CFAP54: variants seen among roughly 807,000 people sequenced by gnomAD.
The protein encoded by CFAP54 is cilia- and flagella-associated protein 54.
Under a neutral mutation model 370.4 loss-of-function variants are expected in CFAP54, and 290 were observed. The observed-to-expected ratio is 0.78, with a 90% CI of 0.71 to 0.86. The LOEUF is 0.86. Among genes scored for constraint, CFAP54 ranks in the 40% least tolerant of loss-of-function variants. The pLI is 0.00. For synonymous variants in CFAP54, 1,206 were observed against 1,236.5 expected (o/e 0.98, Z 0.52); for missense variants, 3,399 against 3,528.7 (o/e 0.96, Z 0.93).
At chr12:96,851,932 A>C (rs1592810644) in intron 66 of CFAP54, among the ~76,000 whole-genome samples, 1 of 152,110 alleles carries the variant, frequency 6.6e-6, no homozygotes, top group East Asian at 1.9e-4. Flanking sequence ...AGAAAGAAAG[A>C]AAGCTTTCAT....
chr12:96,530,026 G>A (rs187394792), intron 9 of CFAP54, among the ~76,000 whole-genome samples: 1 of 152,170 alleles, frequency 6.6e-6, no homozygotes. Flanking sequence ...TAGAAATCAA[G>A]ATTTATATAC....
Position 96,500,861 on chromosome 12 carries a change from T to A in CFAP54, c.345T>A (p.Thr115=). The change falls in exon 2 of 68, where the codon ACT becomes ACA. Residue 115 remains threonine, a synonymous_variant. Coordinates refer to ENST00000524981, the MANE Select transcript of CFAP54 (RefSeq NM_001306084.2). ...CCACTTCTTTGTTTAATATCTGGAC[T>A]AAATACGCCCCCAGGCTGCCAGCAG... ...RCATSLFNIW[T]KYAPRLPADY... 1 of 1,535,328 alleles carries A rather than the reference T, an allele frequency of 6.5e-7. No individual in the cohort carries two copies.
intron 60 of CFAP54, among the ~76,000 whole-genome samples, chr12:96,772,693 C>T (rs914877142): frequency 6.6e-6 from 1 of 150,876 alleles, no homozygotes; most frequent in Non-Finnish European, 1.5e-5. Flanking sequence ...AATCTCGGCT[C>T]ACTGCAATCT....
At chr12:96,508,718 T>C (rs1955134716) in intron 4 of CFAP54, among the ~76,000 whole-genome samples, 1 of 152,024 alleles carries the variant, frequency 6.6e-6, no homozygotes, top group South Asian at 2.1e-4. Flanking sequence ...GTTTCCTTTT[T>C]TTTTTTTCCT....
intron 66 of CFAP54, among the ~76,000 whole-genome samples, chr12:96,848,960 T>C (rs1959455054): frequency 6.6e-6 from 1 of 152,206 alleles, no homozygotes; most frequent in South Asian, 2.1e-4. Flanking sequence ...GTATTGGGAT[T>C]TTCTTAATCA....
chr12:96,811,910 A>G (rs1958931764), intron 64 of CFAP54, 68 bp downstream of exon 64: 3 of 953,968 alleles, frequency 3.1e-6, no homozygotes, highest in East Asian at 5.8e-5. Context: ...CTCTTTCAGT[A>G]ATTGGCAAGG....
intron 45 of CFAP54, among the ~76,000 whole-genome samples, chr12:96,698,585 C>T (rs1957459311): frequency 1.3e-5 from 2 of 152,068 alleles, no homozygotes; most frequent in African/African-American, 4.8e-5. Context: ...GAACAGAAAA[C>T]CAAATACCAC....
In CFAP54 at chr12:96,630,619, T is replaced by G; in HGVS notation, c.4284T>G (p.Asn1428Lys). ...KETLRDFIFKNPAISEMVAHE... is the reference protein window; with the variant it reads ...KETLRDFIFKKPAISEMVAHE... ...CTCTAAGAGATTTCATTTTTAAAAA[T>G]CCGGCTATTTCTGAAATGGTGGCAC... is the stretch of plus-strand genomic sequence containing the variant. Residue 1428 changes from asparagine (N) to lysine (K), a missense_variant, in exon 32 of 68, where the codon AAT becomes AAG. Around this residue, in one of 3 missense-constraint regions of CFAP54, gnomAD observed 2,796 missense variants for 2,869.7 expected, o/e 0.97. Coordinates refer to ENST00000524981, the MANE Select transcript of CFAP54 (RefSeq NM_001306084.2). 6.7e-7 allele frequency: 1 copy of G among 1,501,962 alleles called. No homozygotes were observed. Among genetic ancestry groups the G allele is most frequent in the Middle Eastern group, 1.7e-4 (1 of 5,854 alleles). The allele number at this position is 1,501,962 out of a possible 1,614,324, so 93.0% of individuals were successfully genotyped here. A position where few individuals can be genotyped will look rare whatever the true frequency, so the allele number is the denominator to read the frequency against.
intron 63 of CFAP54, among the ~76,000 whole-genome samples, chr12:96,802,725 TGTTTGCTGCACCTATCAACCG>T (rs1296461062): frequency 2.0e-5 from 3 of 152,174 alleles, no homozygotes; most frequent in East Asian, 1.9e-4. Flanking sequence ...GTGCCCTGGC[TGTTTGCTGCACCTATCAACCG>T]GTTTGCTGCA....
chr12:96,636,983 A>G (rs1365318753), intron 32 of CFAP54, among the ~76,000 whole-genome samples: 1 of 152,026 alleles, frequency 6.6e-6, no homozygotes, highest in African/African-American at 2.4e-5. Context: ...TCATCACCCC[A>G]CTCAATTTTA....
At chr12:96,630,761 G>A (rs1956599401) in intron 32 of CFAP54, 110 bp downstream of exon 32, 1 of 512,438 alleles carries the variant, frequency 2.0e-6, no homozygotes, top group East Asian at 3.4e-5. Context: ...TGAAATCACT[G>A]CCTTCAAGGA....
chr12:96,661,749 G>T (rs1314211935), intron 38 of CFAP54, among the ~76,000 whole-genome samples: 13 of 152,188 alleles, frequency 8.5e-5, no homozygotes. Flanking sequence ...GGGGTGAATT[G>T]TGTGTATGCC....
chr12:96,727,755 C>G (rs1190547752), intron 50 of CFAP54, among the ~76,000 whole-genome samples: 1 of 151,646 alleles, frequency 6.6e-6, no homozygotes, highest in Non-Finnish European at 1.5e-5. Flanking sequence ...TTAGTTGATG[C>G]AGTTTCTTCC....
At chr12:96,845,825 T>G (rs74720121) in intron 66 of CFAP54, among the ~76,000 whole-genome samples, 1,711 of 152,316 alleles carry the variant, frequency 0.011, 81 homozygotes, top group East Asian at 0.11. Context: ...ATAATCTCTA[T>G]TTATTGGAAT....
intron 66 of CFAP54, among the ~76,000 whole-genome samples, chr12:96,848,982 G>A (rs1398197344): frequency 1.3e-5 from 2 of 152,136 alleles, no homozygotes; most frequent in Non-Finnish European, 2.9e-5. Context: ...ATAAAGTACA[G>A]TGAAAGCAAA....
chr12:96,664,771 CTA>C (rs1326435212), intron 39 of CFAP54, among the ~76,000 whole-genome samples: 33,663 of 68,810 alleles, frequency 0.49, 6,804 homozygotes, highest in Middle Eastern at 0.53. Flanking sequence ...ATATCTATAT[CTA>C]TATCTATATA....
chr12:96,707,850 G>A (rs1275636310), intron 47 of CFAP54, among the ~76,000 whole-genome samples: 1 of 152,070 alleles, frequency 6.6e-6, no homozygotes, highest in South Asian at 2.1e-4. Flanking sequence ...GTCATTGGCT[G>A]GGAGGAAACC....
intron 60 of CFAP54, among the ~76,000 whole-genome samples, chr12:96,779,100 T>C (rs1275141781): frequency 2.6e-5 from 3 of 116,270 alleles, no homozygotes; most frequent in East Asian, 4.8e-4. Flanking sequence ...CGAGTGAATC[T>C]CCATCTCAAA....
rs1294668472 is a variant in CFAP54, at chr12:96,489,684, G to A, written c.75G>A (p.Pro25=). ...CCTCGGGGTCTCTGCCAGAACTGCC[G>A]CCGACCTCCACCGCGACTTCGAGGT... ...STTSGSLPEL[P]PTSTATSRSP... is the part of the protein sequence containing the mutation. The change falls in exon 1 of 68, where the codon CCG becomes CCA. Residue 25 remains proline, a synonymous_variant. Transcript: ENST00000524981. 12 of 1,535,722 alleles carry A rather than the reference G, an allele frequency of 7.8e-6. No homozygotes were observed. The highest frequency in any genetic ancestry group is 1.4e-5 in the African/African-American group (1 of 73,018).
Sources: allele counts gnomAD v4.1 joint callset (sites outside exome capture counted in the v4.1 genomes callset), GRCh38; gene constraint gnomAD v4.1.1; regional missense constraint gnomAD v4.1.1; transcripts MANE v1.5; gene names NCBI Gene and HGNC (gene_info 2026-07-23, HGNC 2026-07-21).